The following THEMIS variants were observed in gnomAD, a reference collection of about 807,000 sequenced individuals.
The protein encoded by THEMIS is thymocyte selection associated, also known as protein THEMIS.
A neutral mutation model predicts 52.6 loss-of-function variants in THEMIS; 37 were observed. That is an observed-to-expected ratio of 0.70 (90% CI 0.54 to 0.93). The LOEUF is 0.93. Ranked by LOEUF, THEMIS falls within the 40% of genes least tolerant of loss-of-function variation. The probability of loss-of-function intolerance (pLI) is 0.00; values close to 1 mark genes in which losing one functional copy is unlikely to be tolerated. For synonymous variants in THEMIS, 292 were observed against 272.7 expected, an observed-to-expected ratio of 1.07 and a Z score of -0.70; for missense variants, 808 against 763.1, an observed-to-expected ratio of 1.06 and a Z score of -0.69.
At chr6:127,768,592 C>T (rs72967605) in intron 4 of THEMIS, among the ~76,000 whole-genome samples, 8,529 of 152,174 alleles carry the variant, frequency 0.056, 332 homozygotes, top group Non-Finnish European at 0.087. Context: ...ATAGAGGCAA[C>T]GTGTGAAACA....
At chr6:127,898,027 A>G (rs1781024468) in intron 1 of THEMIS, among the ~76,000 whole-genome samples, 1 of 151,708 alleles carries the variant, frequency 6.6e-6, no homozygotes, top group South Asian at 2.1e-4. Context: ...AGAAAAGAAT[A>G]CATACTGTAA....
chr6:127,891,476 C>T (rs1780804428), intron 1 of THEMIS, among the ~76,000 whole-genome samples: 1 of 142,214 alleles, frequency 7.0e-6, no homozygotes, highest in South Asian at 2.2e-4. Flanking sequence ...GTGGAGGTTG[C>T]AGTGAGCTGA....
intron 4 of THEMIS, among the ~76,000 whole-genome samples, chr6:127,795,183 C>A (rs933474100): frequency 5.3e-5 from 8 of 152,174 alleles, no homozygotes; most frequent in African/African-American, 1.9e-4. Flanking sequence ...TAGAAACATA[C>A]ACATGGCTTT....
chr6:127,889,984 G>A (rs1780755038), intron 1 of THEMIS, among the ~76,000 whole-genome samples: 1 of 152,074 alleles, frequency 6.6e-6, no homozygotes, highest in South Asian at 2.1e-4. Flanking sequence ...TCTTCTATTA[G>A]CACAATCTTG....
chr6:127,705,940 A>G (rs1314398135), downstream of THEMIS, among the ~76,000 whole-genome samples: 2 of 152,154 alleles, frequency 1.3e-5, no homozygotes, highest in South Asian at 2.1e-4. Context: ...TTATGAAACC[A>G]TGTATTTATC....
chr6:127,867,454 G>T (rs146305928), intron 1 of THEMIS, among the ~76,000 whole-genome samples: 2 of 152,114 alleles, frequency 1.3e-5, no homozygotes, highest in African/African-American at 4.8e-5. Flanking sequence ...CCCATCTTAC[G>T]TTCTAAGATG....
chr6:127,781,151 T>A (rs1399588272), intron 4 of THEMIS, among the ~76,000 whole-genome samples: 6 of 151,882 alleles, frequency 4.0e-5, no homozygotes, highest in Non-Finnish European at 8.8e-5. Flanking sequence ...TAATCTTCAA[T>A]CTCTGATATC....
At chr6:127,904,044 C>T (rs1415120561), upstream of THEMIS, among the ~76,000 whole-genome samples, 2 of 152,166 alleles carry the variant, frequency 1.3e-5, no homozygotes, top group African/African-American at 4.8e-5. Flanking sequence ...GGGTTAGTAA[C>T]TGGCACCAAG....
Position 127,859,173 on chromosome 6 carries a change from T to C in THEMIS, c.92-3985A>G, listed in dbSNP as rs114008941. 6.0e-3 allele frequency among the ~76,000 whole-genome samples: 911 copies of C among 152,186 alleles called. 12 individuals are homozygous for C. The highest frequency in any genetic ancestry group is 0.021 in the African/African-American group (875 of 41,548). ...ACTCTCCCTCCATTACTGCCTGCCC[T>C]ACCACCCCCTGCCACTACACCAGGC... On this transcript the variant is annotated intron_variant, in intron 1 of 5. Coordinates refer to ENST00000368248, the MANE Select transcript of THEMIS (RefSeq NM_001010923.3).
rs142843629 is a variant in THEMIS at position 127,851,183 on chromosome 6, T to C, written c.250+3847A>G. Among the ~76,000 whole-genome samples the C allele has an allele frequency of 8.4e-3, 1,278 of 151,546 alleles. 73 individuals are homozygous for C. Among genetic ancestry groups the C allele is most frequent in the Admixed American group, 0.075 (1,141 of 15,166 alleles). On this transcript the variant is annotated intron_variant, in intron 2 of 5. Transcript: ENST00000368248. ...TTAAAGCATAAGAATATAAGAATAA[T>C]AGGATTCCTAAAAGGAGAGCAGAGA...
At chr6:127,913,880 T>G (rs142734219) in intron 1 of THEMIS, among the ~76,000 whole-genome samples, 1 of 152,246 alleles carries the variant, frequency 6.6e-6, no homozygotes, top group African/African-American at 2.4e-5. Context: ...TGGGAGAAAA[T>G]ATTGCTCCTA....
intron 5 of THEMIS, among the ~76,000 whole-genome samples, chr6:127,712,122 T>A (rs1393030284): frequency 1.3e-5 from 2 of 152,004 alleles, no homozygotes; most frequent in African/African-American, 4.8e-5. Context: ...CAATCTGTCA[T>A]CTTGACAGTT....
At chr6:127,845,923 A>G (rs1381787798) in intron 2 of THEMIS, among the ~76,000 whole-genome samples, 1 of 151,948 alleles carries the variant, frequency 6.6e-6, no homozygotes, top group African/African-American at 2.4e-5. Context: ...TACGCAAGAA[A>G]GACCCACAAA....
chr6:127,858,273 G>A (rs1184846046), intron 1 of THEMIS, among the ~76,000 whole-genome samples: 1 of 151,902 alleles, frequency 6.6e-6, no homozygotes, highest in African/African-American at 2.4e-5. Flanking sequence ...CTTTCCTTTT[G>A]GAAGAAAAAA....
chr6:127,787,880 T>TAGATAGATAGATATAGATAGATAG (rs200767496), intron 4 of THEMIS, among the ~76,000 whole-genome samples: 69 of 119,992 alleles, frequency 5.8e-4, no homozygotes, highest in African/African-American at 1.5e-3. Flanking sequence ...GATAGATAGA[T>TAGATAGATAGATATAGATAGATAG]ATAGATAGAT....
At chr6:127,702,322 T>C in the THEMIS span, among the ~76,000 whole-genome samples, 2 of 152,190 alleles carry the variant, frequency 1.3e-5, no homozygotes, top group African/African-American at 4.8e-5. Flanking sequence ...AAATTACTTC[T>C]TTATTCTTCT....
intron 4 of THEMIS, among the ~76,000 whole-genome samples, chr6:127,724,832 C>A (rs908434845): frequency 6.6e-6 from 1 of 151,942 alleles, no homozygotes; most frequent in Non-Finnish European, 1.5e-5. Flanking sequence ...AAAAAGTTAA[C>A]CAAGATGTCC....
At chr6:127,914,223 A>T (rs971052073) in intron 1 of THEMIS, among the ~76,000 whole-genome samples, 1 of 152,206 alleles carries the variant, frequency 6.6e-6, no homozygotes, top group African/African-American at 2.4e-5. Flanking sequence ...GTGCTCAAAA[A>T]GTTTCAGATT....
At chr6:127,725,033 C>A (rs1357506920) in intron 4 of THEMIS, among the ~76,000 whole-genome samples, 1 of 152,090 alleles carries the variant, frequency 6.6e-6, no homozygotes, top group Admixed American at 6.6e-5. Context: ...CCTCTCTTAG[C>A]CAGGGACTAA....
Sources: gnomAD v4.1 joint callset for allele counts (sites outside exome capture counted in the v4.1 genomes callset) on GRCh38, gnomAD v4.1.1 for gene constraint, MANE v1.5 for transcripts, NCBI Gene and HGNC (gene_info 2026-07-23, HGNC 2026-07-21) for gene names.